The following LRRC7 variants were observed in gnomAD, a reference collection of about 807,000 sequenced individuals.
LRRC7 encodes the protein leucine-rich repeat-containing protein 7.
LRRC7 carries 23 observed loss-of-function variants against 175.7 expected under a neutral mutation model. The ratio of observed to expected loss-of-function variants is 0.13; its 90% CI spans 0.09 to 0.19. The LOEUF (loss-of-function observed/expected upper bound fraction) is 0.19, where lower values mean the gene tolerates loss of function less well. Among genes scored for constraint, LRRC7 ranks in the 10% least tolerant of loss-of-function variants. The pLI, the probability that LRRC7 is intolerant of heterozygous loss-of-function variation, is 1.00. For synonymous variants in LRRC7, 685 were observed against 680.9 expected (o/e 1.01, Z -0.09); for missense variants, 1,354 against 1,904.7 (o/e 0.71, Z 5.38).
intron 8 of LRRC7, among the ~76,000 whole-genome samples, chr1:69,958,307 G>A (rs1445906238): frequency 6.6e-6 from 1 of 151,876 alleles, no homozygotes; most frequent in Non-Finnish European, 1.5e-5. Flanking sequence ...TGTATTTCAG[G>A]GATCCTAGCT....
chr1:69,765,213 A>C (rs899386474), intron 3 of LRRC7, among the ~76,000 whole-genome samples: 10 of 152,138 alleles, frequency 6.6e-5, no homozygotes, highest in African/African-American at 2.2e-4. Flanking sequence ...ACTGATACGT[A>C]AGTCCAAAGG....
At chr1:69,954,675 A>G (rs1364834460) in intron 8 of LRRC7, among the ~76,000 whole-genome samples, 1 of 152,106 alleles carries the variant, frequency 6.6e-6, no homozygotes, top group African/African-American at 2.4e-5. Flanking sequence ...TTCAAATATA[A>G]GATAACCACA....
chr1:69,926,687 G>C (rs912075824), intron 7 of LRRC7, among the ~76,000 whole-genome samples: 4 of 151,518 alleles, frequency 2.6e-5, no homozygotes, highest in African/African-American at 9.7e-5. Flanking sequence ...CTTTTATTTT[G>C]AGCCTATATA....
intron 4 of LRRC7, among the ~76,000 whole-genome samples, chr1:69,807,720 G>T (rs1053062621): frequency 3.3e-5 from 5 of 152,132 alleles, no homozygotes; most frequent in Admixed American, 3.3e-4. Flanking sequence ...CTCTCTGGCT[G>T]CCCTTAACAT....
At chr1:69,994,890 C>CCAGA (rs1654782459) in intron 11 of LRRC7, among the ~76,000 whole-genome samples, 1 of 151,860 alleles carries the variant, frequency 6.6e-6, no homozygotes, top group South Asian at 2.1e-4. Flanking sequence ...AAATGATTAC[C>CCAGA]CAGACCTTCA....
intron 4 of LRRC7, among the ~76,000 whole-genome samples, chr1:69,797,924 T>C (rs1675985843): frequency 6.6e-6 from 1 of 152,058 alleles, no homozygotes; most frequent in African/African-American, 2.4e-5. Flanking sequence ...TTTGTTTGTT[T>C]GTTTGTTTGT....
chr1:69,924,694 T>C (rs1275610888), intron 7 of LRRC7, among the ~76,000 whole-genome samples: 1 of 152,164 alleles, frequency 6.6e-6, no homozygotes, highest in Non-Finnish European at 1.5e-5. Flanking sequence ...TTAAGGAGAT[T>C]TTGGGCTGAG....
At chr1:69,839,137 CT>C in intron 7 of LRRC7, 1 of 192,930 alleles carries the variant, frequency 5.2e-6, no homozygotes, top group Non-Finnish European at 1.1e-5. Context: ...AAAATGTAAC[CT>C]TATTTTTTAC....
intron 6 of LRRC7, among the ~76,000 whole-genome samples, chr1:69,836,420 CA>C (rs2101342485): frequency 6.6e-6 from 1 of 152,098 alleles, no homozygotes; most frequent in South Asian, 2.1e-4. Flanking sequence ...TTTATCAAAT[CA>C]GAAAATGTTT....
At chr1:69,597,244 AAGAC>A (rs1269888458) in intron 1 of LRRC7, among the ~76,000 whole-genome samples, 1 of 152,114 alleles carries the variant, frequency 6.6e-6, no homozygotes, top group Non-Finnish European at 1.5e-5. Flanking sequence ...GAAGGAGTAA[AAGAC>A]AGGGGTTAGA....
At chr1:69,612,669 T>C (rs183771676) in intron 1 of LRRC7, among the ~76,000 whole-genome samples, 13 of 152,206 alleles carry the variant, frequency 8.5e-5, no homozygotes, top group Admixed American at 8.5e-4. Context: ...CTTTTTTGAA[T>C]TAATTTGTGT....
intron 1 of LRRC7, among the ~76,000 whole-genome samples, chr1:69,590,710 G>A (rs1646595616): frequency 2.6e-5 from 4 of 152,140 alleles, no homozygotes; most frequent in Admixed American, 2.0e-4. Context: ...GCCAGCCATA[G>A]GCTAATTGCA....
intron 22 of LRRC7, among the ~76,000 whole-genome samples, chr1:70,045,609 C>G (rs1344182761): frequency 6.6e-6 from 1 of 152,158 alleles, no homozygotes; most frequent in African/African-American, 2.4e-5. Flanking sequence ...TTTAAATAGG[C>G]ACCTTTCTTA....
At chr1:69,815,713 A>G (rs567309113) in intron 4 of LRRC7, among the ~76,000 whole-genome samples, 2 of 152,328 alleles carry the variant, frequency 1.3e-5, no homozygotes, top group Non-Finnish European at 2.9e-5. Flanking sequence ...ATAACAAAAT[A>G]CTACAAACTG....
chr1:69,954,000 ATCTTAAAGGAAGGACATGTGTT>A (rs1379757463), intron 8 of LRRC7, among the ~76,000 whole-genome samples: 1 of 152,080 alleles, frequency 6.6e-6, no homozygotes, highest in Non-Finnish European at 1.5e-5. Context: ...AACTATAAGC[ATCTTAAAGGAAGGACATGTGTT>A]TCTACCAGGT....
intron 7 of LRRC7, among the ~76,000 whole-genome samples, chr1:69,900,522 TTTC>T (rs1350323213): frequency 2.6e-5 from 4 of 152,196 alleles, no homozygotes; most frequent in Non-Finnish European, 5.9e-5. Context: ...TTGATATTGT[TTTC>T]TTATTTTTGA....
In LRRC7 at chr1:70,139,455, C is replaced by T. The variant is rs1015836992; in HGVS notation, c.*17568C>T. 6.6e-6 allele frequency: 1 copy of T among 152,186 alleles called. No individual in the cohort carries two copies. The highest frequency in any genetic ancestry group is 1.5e-5 in the Non-Finnish European group (1 of 68,036). The allele number at this position is 152,186 out of a possible 1,614,324, so 9.4% of individuals were successfully genotyped here. A position where few individuals can be genotyped will look rare whatever the true frequency, so the allele number is the denominator to read the frequency against. On this transcript the variant is annotated 3_prime_UTR_variant, in exon 27 of 27. Transcript: ENST00000651989. ...ATATTTTATTCAGACCATTTGGATTCAGATGTACCCTAAAGACAACTATGC... is the reference window on the plus strand; with the variant it reads ...ATATTTTATTCAGACCATTTGGATTTAGATGTACCCTAAAGACAACTATGC...
intron 9 of LRRC7, among the ~76,000 whole-genome samples, chr1:69,984,003 G>A (rs12043804): frequency 0.062 from 9,410 of 151,952 alleles, 283 homozygotes; most frequent in South Asian, 0.11. Context: ...TCAGCTCACC[G>A]CAACCTCTGC....
rs530476684 is a variant in LRRC7, at chr1:69,713,659, TG to T, written c.100+35182del. 3.3e-4 allele frequency among the ~76,000 whole-genome samples: 50 copies of T among 152,098 alleles called. 1 individual carries two copies. Among genetic ancestry groups the T allele is most frequent in the South Asian group, 1.0e-3 (5 of 4,816 alleles). ...AATGGTATTTAATCAGACTGTTGAA[TG>T]ACTGTTTCCTTAATGTCCAGCTACG... On this transcript the variant is annotated intron_variant, in intron 2 of 26. Transcript: ENST00000651989.
Sources: allele counts gnomAD v4.1 joint callset (sites outside exome capture counted in the v4.1 genomes callset), GRCh38; gene constraint gnomAD v4.1.1; transcripts MANE v1.5; gene names NCBI Gene and HGNC (gene_info 2026-07-23, HGNC 2026-07-21).